Variants in ABTB2 observed in about 807,000 individuals in gnomAD.
ABTB2 encodes the protein ankyrin repeat and BTB/POZ domain-containing protein 2.
ABTB2 carries 56 observed loss-of-function variants against 104.1 expected under a neutral mutation model. That is an observed-to-expected ratio of 0.54 (90% CI 0.43 to 0.67). The LOEUF (loss-of-function observed/expected upper bound fraction) is 0.67, where lower values mean the gene tolerates loss of function less well. Ranked by LOEUF, ABTB2 falls within the 30% of genes least tolerant of loss-of-function variation. The pLI, the probability that ABTB2 is intolerant of heterozygous loss-of-function variation, is 0.00. For missense variants in ABTB2, 1,279 were observed against 1,407.7 expected (o/e 0.91, Z 1.46); for synonymous variants, 606 against 608.2 (o/e 1.00, Z 0.05).
At chr11:34,182,507 G>T (rs550186251) in intron 3 of ABTB2, among the ~76,000 whole-genome samples, 9 of 137,634 alleles carry the variant, frequency 6.5e-5, no homozygotes, top group South Asian at 2.5e-4. Flanking sequence ...TGGGGGGGGG[G>T]GGAAATTCAC....
intron 4 of ABTB2, 100 bp downstream of exon 4, chr11:34,173,055 C>T: frequency 6.7e-7 from 1 of 1,488,940 alleles, no homozygotes; most frequent in Non-Finnish European, 9.1e-7. Flanking sequence ...AGCCCCTGCT[C>T]TCTGACCCCC....
At chr11:34,221,656 C>T (rs1404946451) in intron 1 of ABTB2, among the ~76,000 whole-genome samples, 5 of 152,180 alleles carry the variant, frequency 3.3e-5, no homozygotes, top group Non-Finnish European at 7.3e-5. Context: ...TAGGGGGGCT[C>T]AACGCTCCCC....
At chr11:34,265,661 GAAAAAAAAA>G (rs1233763258) in intron 1 of ABTB2, among the ~76,000 whole-genome samples, 1 of 25,654 alleles carries the variant, frequency 3.9e-5, no homozygotes, top group Non-Finnish European at 9.0e-5. Flanking sequence ...TCTGTCTCAA[GAAAAAAAAA>G]AAAAAAAAAA....
intron 1 of ABTB2, among the ~76,000 whole-genome samples, chr11:34,237,708 T>C (rs1374521812): frequency 6.6e-6 from 1 of 152,110 alleles, no homozygotes; most frequent in East Asian, 1.9e-4. Flanking sequence ...CAGCCTGACA[T>C]GGTGAAACCC....
chr11:34,202,456 A>G (rs1370643699), intron 2 of ABTB2, among the ~76,000 whole-genome samples: 2 of 143,080 alleles, frequency 1.4e-5, no homozygotes, highest in Non-Finnish European at 3.2e-5. Flanking sequence ...AGGATTTTGG[A>G]TTTTACCGAG....
chr11:34,302,475 T>C (rs895212244), intron 1 of ABTB2, among the ~76,000 whole-genome samples: 15 of 152,232 alleles, frequency 9.9e-5, no homozygotes, highest in Non-Finnish European at 2.9e-5. Flanking sequence ...ATTCTTGCCC[T>C]GAGCCTCTGG....
intron 1 of ABTB2, among the ~76,000 whole-genome samples, chr11:34,298,965 G>A (rs915020300): frequency 6.6e-6 from 1 of 152,194 alleles, no homozygotes; most frequent in Non-Finnish European, 1.5e-5. Context: ...TGAACAGTTT[G>A]AATGATTGAA....
intron 3 of ABTB2, among the ~76,000 whole-genome samples, chr11:34,195,640 G>T (rs1172200020): frequency 1.3e-5 from 2 of 152,238 alleles, no homozygotes; most frequent in African/African-American, 4.8e-5. Flanking sequence ...TTATGAGCCT[G>T]TGTCGTGGGG....
intron 1 of ABTB2, among the ~76,000 whole-genome samples, chr11:34,327,183 C>T (rs187016921): frequency 2.0e-5 from 3 of 152,224 alleles, no homozygotes; most frequent in Admixed American, 6.5e-5. Context: ...ACTTGGAATA[C>T]GATATAGGCT....
intron 1 of ABTB2, among the ~76,000 whole-genome samples, chr11:34,310,933 C>T (rs527420172): frequency 2.6e-5 from 4 of 152,198 alleles, no homozygotes; most frequent in Admixed American, 6.5e-5. Context: ...GCAATTTCCC[C>T]GGTGGTCCCT....
intron 1 of ABTB2, among the ~76,000 whole-genome samples, chr11:34,268,439 G>A (rs1296159908): frequency 6.6e-6 from 1 of 152,214 alleles, no homozygotes; most frequent in Non-Finnish European, 1.5e-5. Context: ...ATCATCCACT[G>A]CAGCAGCGTG....
chr11:34,273,562 C>T (rs1360540641), intron 1 of ABTB2, among the ~76,000 whole-genome samples: 1 of 152,162 alleles, frequency 6.6e-6, no homozygotes. Flanking sequence ...TCCATCTGAA[C>T]TGTGGCCCCT....
chr11:34,345,197 T>C (rs1855315399), intron 1 of ABTB2, among the ~76,000 whole-genome samples: 1 of 152,048 alleles, frequency 6.6e-6, no homozygotes, highest in Non-Finnish European at 1.5e-5. Flanking sequence ...CCCCACCATT[T>C]CCTCTCCAAC....
At chr11:34,332,282 T>A (rs368660328) in intron 1 of ABTB2, among the ~76,000 whole-genome samples, 7 of 152,114 alleles carry the variant, frequency 4.6e-5, no homozygotes, top group African/African-American at 1.7e-4. Context: ...CTCTAACCTG[T>A]CCCAGCCTCC....
chr11:34,179,742 T>A (rs1252462980), intron 3 of ABTB2, among the ~76,000 whole-genome samples: 2 of 152,222 alleles, frequency 1.3e-5, no homozygotes, highest in Non-Finnish European at 2.9e-5. Context: ...CTTTTGCTTT[T>A]ATTTCACAGA....
chr11:34,186,940 C>G (rs145121224), intron 3 of ABTB2, among the ~76,000 whole-genome samples: 2 of 152,322 alleles, frequency 1.3e-5, no homozygotes, highest in East Asian at 3.9e-4. Context: ...CCTCTCCCCT[C>G]CTGGGAGGGG....
chr11:34,199,508 G>T (rs1301532214), intron 2 of ABTB2, among the ~76,000 whole-genome samples: 2 of 152,214 alleles, frequency 1.3e-5, no homozygotes, highest in Non-Finnish European at 2.9e-5. Context: ...TTCCCTCAGT[G>T]ATTCTAATGT....
chr11:34,286,710 C>T (rs1311781070), intron 1 of ABTB2, among the ~76,000 whole-genome samples: 2 of 152,198 alleles, frequency 1.3e-5, no homozygotes, highest in Non-Finnish European at 2.9e-5. Flanking sequence ...CATCCATCAC[C>T]ATTTTCATGC....
chr11:34,335,891 C>T, intron 1 of ABTB2: 2 of 805,814 alleles, frequency 2.5e-6, no homozygotes, highest in South Asian at 1.6e-5. Context: ...GACACCTAAA[C>T]CTGACAATCC....
Sources: gnomAD v4.1 joint callset for allele counts (sites outside exome capture counted in the v4.1 genomes callset) on GRCh38, gnomAD v4.1.1 for gene constraint, MANE v1.5 for transcripts, NCBI Gene and HGNC (gene_info 2026-07-23, HGNC 2026-07-21) for gene names.